Variants in PIP5K1A observed in about 807,000 individuals in gnomAD.
PIP5K1A encodes phosphatidylinositol-4-phosphate 5-kinase type 1 alpha, also known as phosphatidylinositol 4-phosphate 5-kinase type-1 alpha.
A neutral mutation model predicts 72.9 loss-of-function variants in PIP5K1A; 46 were observed. That is an observed-to-expected ratio of 0.63 (90% CI 0.50 to 0.81). The LOEUF is 0.81. Among genes scored for constraint, PIP5K1A ranks in the 30% least tolerant of loss-of-function variants. PIP5K1A has a pLI of 0.00. For synonymous variants in PIP5K1A, 228 were observed against 255.1 expected (o/e 0.89, Z 1.01); for missense variants, 458 against 706.1 (o/e 0.65, Z 3.98).
At chr1:151,226,082 T>C (rs1339264167) in intron 3 of PIP5K1A, among the ~76,000 whole-genome samples, 2 of 148,280 alleles carry the variant, frequency 1.3e-5, no homozygotes, top group Non-Finnish European at 3.0e-5. Context: ...CCCAGCTATG[T>C]TTCTTTTCTT....
intron 1 of PIP5K1A, among the ~76,000 whole-genome samples, chr1:151,220,096 C>T (rs1688207130): frequency 6.6e-6 from 1 of 151,964 alleles, no homozygotes; most frequent in African/African-American, 2.4e-5. Flanking sequence ...ATCTCTGTCT[C>T]CCAGGTTCAA....
In PIP5K1A at chr1:151,224,549, A is replaced by G; in HGVS notation, c.156+143A>G. The G allele has an allele frequency of 8.8e-6, 6 of 677,998 alleles. No homozygotes were observed. In the South Asian group the frequency reaches 1.1e-4, roughly 12 times the overall value. The allele number at this position is 677,998 out of a possible 1,614,324, so 42.0% of individuals were successfully genotyped here. A position where few individuals can be genotyped will look rare whatever the true frequency, so the allele number is the denominator to read the frequency against. ...ACTGTACCTAAGTGCCCTTTAAGAT[A>G]TTCTTATTTAATCCTTCAAACAACT... is the stretch of plus-strand genomic sequence containing the variant. On this transcript the variant is annotated intron_variant, in intron 3 of 15. Transcript: ENST00000368888.
chr1:151,233,119 T>A (rs1046403131), intron 7 of PIP5K1A, among the ~76,000 whole-genome samples: 4 of 121,052 alleles, frequency 3.3e-5, no homozygotes, highest in South Asian at 2.7e-4. Flanking sequence ...AAAAAAAAAA[T>A]GTTGTTCAGT....
In PIP5K1A at chr1:151,234,267, A is replaced by G. The variant is rs1463214866; in HGVS notation, c.710A>G (p.Lys237Arg). 5.0e-6 allele frequency: 8 copies of G among 1,614,042 alleles called. No individual in the cohort carries two copies. Among genetic ancestry groups the G allele is most frequent in the Non-Finnish European group, 5.9e-6 (7 of 1,179,920 alleles). The change falls in exon 8 of 16, where the codon AAG (lysine) becomes AGG (arginine). Residue 237 changes from lysine to arginine, a missense_variant. By Grantham distance (26) the Lys-to-Arg change is conservative. Transcript: ENST00000368888. ...YGLYCVQAGGKNIRIVVMNNL... is the reference protein window; with the variant it reads ...YGLYCVQAGGRNIRIVVMNNL... ...CTGTACTGTGTGCAGGCAGGTGGCAAGAACATTCGGATTGTGGTGATGAAC... is the reference window on the plus strand; with the variant it reads ...CTGTACTGTGTGCAGGCAGGTGGCAGGAACATTCGGATTGTGGTGATGAAC...
Position 151,248,290 on chromosome 1 carries a change from A to C in PIP5K1A, c.*425A>C, listed in dbSNP as rs587733805. 4.6e-4 allele frequency: 82 copies of C among 177,948 alleles called. 1 individual carries two copies. Among genetic ancestry groups the C allele is most frequent in the African/African-American group, 1.9e-3 (81 of 42,418 alleles). The allele number at this position is 177,948 out of a possible 1,614,324, so 11.0% of individuals were successfully genotyped here. ...ACAGACTAGCTGGCACATTATCCCT[A>C]CCTTAGTTCTTTCTCTCTGACTCCT... On this transcript the variant is annotated 3_prime_UTR_variant, in exon 16 of 16. Coordinates refer to ENST00000368888, the MANE Select transcript of PIP5K1A (RefSeq NM_001135638.2).
chr1:151,218,411 T>A (rs1025872581), intron 1 of PIP5K1A, among the ~76,000 whole-genome samples: 1 of 151,996 alleles, frequency 6.6e-6, no homozygotes, highest in Non-Finnish European at 1.5e-5. Context: ...AAAAAGGGGG[T>A]ACCTTGAGGG....
intron 1 of PIP5K1A, among the ~76,000 whole-genome samples, chr1:151,201,124 G>A (rs1685166997): frequency 1.3e-5 from 2 of 152,258 alleles, no homozygotes; most frequent in African/African-American, 4.8e-5. Context: ...GTGAGCCACC[G>A]TGCCCCACCT....
chr1:151,223,961 C>T (rs769487186), intron 1 of PIP5K1A: 61 of 465,194 alleles, frequency 1.3e-4, no homozygotes, highest in Non-Finnish European at 2.1e-4. Context: ...GAGTGAGACT[C>T]CATCTCAAAA....
chr1:151,237,700 C>T (rs1691091386), intron 9 of PIP5K1A, among the ~76,000 whole-genome samples: 2 of 151,996 alleles, frequency 1.3e-5, no homozygotes, highest in Admixed American at 6.5e-5. Flanking sequence ...TTGTGGAAGG[C>T]ATCCTTCTTC....
intron 1 of PIP5K1A, among the ~76,000 whole-genome samples, chr1:151,213,263 A>T (rs973847884): frequency 6.6e-6 from 1 of 152,106 alleles, no homozygotes; most frequent in Non-Finnish European, 1.5e-5. Context: ...CCTTATAGGC[A>T]GTGTGTCCAG....
intron 1 of PIP5K1A, among the ~76,000 whole-genome samples, chr1:151,207,299 A>G (rs1438606816): frequency 1.3e-5 from 2 of 152,210 alleles, no homozygotes; most frequent in African/African-American, 4.8e-5. Flanking sequence ...TAGCTTATTC[A>G]GGAAACCCAA....
intron 9 of PIP5K1A, 64 bp downstream of exon 9, chr1:151,236,827 T>C (rs979342981): frequency 4.5e-5 from 47 of 1,048,916 alleles, no homozygotes; most frequent in Admixed American, 8.4e-5. Flanking sequence ...TTTTCTTTTT[T>C]TTTTTTTTTT....
At chr1:151,221,766 CT>C (rs1688430584) in intron 1 of PIP5K1A, among the ~76,000 whole-genome samples, 1 of 152,160 alleles carries the variant, frequency 6.6e-6, no homozygotes. Context: ...GAATCTCATT[CT>C]CTTTAAAAAT....
intron 3 of PIP5K1A, among the ~76,000 whole-genome samples, chr1:151,224,748 A>G (rs189807958): frequency 3.5e-4 from 53 of 152,266 alleles, no homozygotes; most frequent in African/African-American, 1.2e-3. Context: ...TTCGATGAAT[A>G]TGAAGAACTT....
At chr1:151,206,366 A>G (rs1572151753) in intron 1 of PIP5K1A, among the ~76,000 whole-genome samples, 2 of 152,230 alleles carry the variant, frequency 1.3e-5, no homozygotes, top group South Asian at 4.1e-4. Flanking sequence ...TATTCTTATT[A>G]TTTACCTTGT....
At chr1:151,234,145 C>T in intron 7 of PIP5K1A, 52 bp from the exon 8 acceptor site, 1 of 1,434,934 alleles carries the variant, frequency 7.0e-7, no homozygotes, top group South Asian at 1.3e-5. Flanking sequence ...GTGAGTTTCA[C>T]TGAAAATCAG....
chr1:151,212,947 G>A (rs1191321702), intron 1 of PIP5K1A, among the ~76,000 whole-genome samples: 53 of 144,300 alleles, frequency 3.7e-4, no homozygotes, highest in Non-Finnish European at 2.7e-4. Flanking sequence ...CTGGAGTGCA[G>A]TGGCGTGATC....
At chr1:151,226,320 C>T (rs1356273211) in intron 3 of PIP5K1A, among the ~76,000 whole-genome samples, 4 of 151,764 alleles carry the variant, frequency 2.6e-5, no homozygotes, top group Non-Finnish European at 5.9e-5. Context: ...CTCCTGACCT[C>T]GTGATCCACT....
At chr1:151,224,348 AT>A in intron 2 of PIP5K1A, 22 bp from the exon 3 acceptor site, 1 of 1,610,140 alleles carries the variant, frequency 6.2e-7, no homozygotes, top group Non-Finnish European at 8.5e-7. Flanking sequence ...TGTTTATGAC[AT>A]TTTTATTTTT....
Sources: gnomAD v4.1 joint callset for allele counts (sites outside exome capture counted in the v4.1 genomes callset) on GRCh38, gnomAD v4.1.1 for gene constraint, MANE v1.5 for transcripts, NCBI Gene and HGNC (gene_info 2026-07-23, HGNC 2026-07-21) for gene names.